The following IDI1 variants were observed in gnomAD, a reference collection of about 807,000 sequenced individuals.
IDI1 encodes isopentenyl-diphosphate Delta-isomerase 1.
IDI1 carries 23 observed loss-of-function variants against 32.9 expected under a neutral mutation model. The ratio of observed to expected loss-of-function variants is 0.70; its 90% CI spans 0.50 to 0.99. The LOEUF (loss-of-function observed/expected upper bound fraction) is 0.99. Ranked by LOEUF, IDI1 falls within the 50% of genes least tolerant of loss-of-function variation. The pLI, the probability that IDI1 is intolerant of heterozygous loss-of-function variation, is 0.00. For synonymous variants in IDI1, 133 were observed against 128.2 expected (o/e 1.04, Z -0.25); for missense variants, 326 against 351.9 (o/e 0.93, Z 0.59).
Position 1,039,903 on chromosome 10 carries a change from CA to C in IDI1, c.*1283del, listed in dbSNP as rs1832500804. 6.6e-6 allele frequency: 1 copy of C among 152,164 alleles called. No homozygotes were observed. Among genetic ancestry groups the C allele is most frequent in the Non-Finnish European group, 1.5e-5 (1 of 68,012 alleles). The allele number at this position is 152,164 out of a possible 1,614,324, so 9.4% of individuals were successfully genotyped here. A position where few individuals can be genotyped will look rare whatever the true frequency, so the allele number is the denominator to read the frequency against. On this transcript the variant is annotated 3_prime_UTR_variant, in exon 5 of 5. Transcript: ENST00000381344. ...TATCAAAATTTTAACAAACTAAACA[CA>C]GTATTAAATTGCAATTTTTTTTACT...
intron 4 of IDI1, 27 bp from the exon 5 acceptor site, chr10:1,041,531 T>C (rs567746525): frequency 7.7e-7 from 1 of 1,302,262 alleles, no homozygotes; most frequent in Non-Finnish European, 1.1e-6. Flanking sequence ...AAAAAAGTAA[T>C]TAAAACATCG....
At chr10:1,042,545 T>C (rs1317284761) in intron 4 of IDI1, 87 bp downstream of exon 4, 1 of 1,319,276 alleles carries the variant, frequency 7.6e-7, no homozygotes, top group East Asian at 2.4e-5. Flanking sequence ...AGCAGAGAAC[T>C]ACATTTGAAT....
intron 4 of IDI1, among the ~76,000 whole-genome samples, chr10:1,041,997 C>T (rs1336612833): frequency 6.6e-6 from 1 of 151,800 alleles, no homozygotes; most frequent in African/African-American, 2.4e-5. Context: ...TTAGTAGAGA[C>T]GGAGTTTCAC....
At chr10:1,051,042 A>G (rs185466061), upstream of IDI1, among the ~76,000 whole-genome samples, 16 of 152,352 alleles carry the variant, frequency 1.1e-4, no homozygotes, top group Non-Finnish European at 1.3e-4. Flanking sequence ...ACTTCAATGG[A>G]CATTTTGTAC....
chr10:1,054,282 T>C, the IDI1 span, among the ~76,000 whole-genome samples: 2 of 152,192 alleles, frequency 1.3e-5, no homozygotes, highest in African/African-American at 2.4e-5. Context: ...ATGAAAACAG[T>C]TGTGCCTGTT....
At chr10:1,045,562 G>A (rs1321774649) in intron 1 of IDI1, among the ~76,000 whole-genome samples, 1 of 152,214 alleles carries the variant, frequency 6.6e-6, no homozygotes, top group African/African-American at 2.4e-5. Context: ...CACCTCCTGG[G>A]TTCAAGTGAT....
chr10:1,054,599 G>A, the IDI1 span, among the ~76,000 whole-genome samples: 2 of 152,186 alleles, frequency 1.3e-5, no homozygotes, highest in Non-Finnish European at 2.9e-5. Context: ...TCTGCAGGAG[G>A]GAGAATGTAA....
intron 1 of IDI1, 187 bp downstream of exon 1, chr10:1,048,677 C>T: frequency 7.1e-7 from 1 of 1,413,076 alleles, no homozygotes; most frequent in Non-Finnish European, 9.2e-7. Context: ...CGGGCGCCCA[C>T]CACAGCCCGG....
chr10:1,044,042 A>C lies in IDI1; in HGVS notation c.270T>G (p.Ala90=). Residue 90 remains alanine, a synonymous_variant, in exon 2 of 5, where the codon GCT becomes GCG. Transcript: ENST00000381344. ...TCAGGTGACAATTCTTCTTGGTCTC[A>C]GCTCCAATTTTATTGTCATTTTCAT... The part of the protein sequence containing the change: ...LIDENDNKIG[A]ETKKNCHLNE... 6.2e-7 allele frequency: 1 copy of C among 1,613,250 alleles called. No homozygotes were observed. Among genetic ancestry groups the C allele is most frequent in the South Asian group, 1.1e-5 (1 of 90,958 alleles).
chr10:1,053,956 T>C (rs370380471), upstream of IDI1, among the ~76,000 whole-genome samples: 125 of 152,094 alleles, frequency 8.2e-4, no homozygotes, highest in Non-Finnish European at 1.5e-3. Flanking sequence ...AGGAGAGAGA[T>C]AGGGAGGCAG....
At chr10:1,052,590 A>C (rs1045915141), upstream of IDI1, among the ~76,000 whole-genome samples, 1 of 152,146 alleles carries the variant, frequency 6.6e-6, no homozygotes, top group African/African-American at 2.4e-5. Flanking sequence ...TTTGAAACGA[A>C]ATCTTTTTTT....
At chr10:1,043,532 C>A in intron 2 of IDI1, 139 bp from the exon 3 acceptor site, 1 of 713,762 alleles carries the variant, frequency 1.4e-6, no homozygotes, top group Non-Finnish European at 2.6e-6. Flanking sequence ...TGCATAGTCT[C>A]TGCATGGCTA....
chr10:1,039,983 G>GT lies in IDI1; in HGVS notation c.*1203dup, dbSNP rs1281621514. 1 of 152,080 alleles carries GT rather than the reference G, an allele frequency of 6.6e-6. No individual in the cohort carries two copies. The highest frequency in any genetic ancestry group is 1.5e-5 in the Non-Finnish European group (1 of 68,026). The allele number at this position is 152,080 out of a possible 1,614,324, so 9.4% of individuals were successfully genotyped here. Reference sequence around the variant, plus strand: ...TGTCTGAAATTATAAATTGCCCAAAGTTAACCATAAATGAGTCATTCTATT... The same window carrying GT: ...TGTCTGAAATTATAAATTGCCCAAAGTTTAACCATAAATGAGTCATTCTATT... On this transcript the variant is annotated 3_prime_UTR_variant, in exon 5 of 5. Transcript: ENST00000381344.
chr10:1,055,875 C>G, the IDI1 span, among the ~76,000 whole-genome samples: 1,138 of 152,232 alleles, frequency 7.5e-3, 14 homozygotes, highest in Non-Finnish European at 8.6e-3. Flanking sequence ...GAGGCGCGAT[C>G]TCGGCTCACT....
chr10:1,052,500 A>G (rs1256645614), upstream of IDI1, among the ~76,000 whole-genome samples: 1 of 152,274 alleles, frequency 6.6e-6, no homozygotes, highest in East Asian at 1.9e-4. Flanking sequence ...GTTAGCAGGC[A>G]TGAAATCAAC....
At chr10:1,042,445 G>A (rs1297189454) in intron 4 of IDI1, 187 bp downstream of exon 4, 11 of 592,636 alleles carry the variant, frequency 1.9e-5, no homozygotes, top group African/African-American at 3.7e-5. Context: ...ATTGAGCTAA[G>A]TTTTGACAAG....
chr10:1,056,404 C>G, the IDI1 span: 1 of 152,254 alleles, frequency 6.6e-6, no homozygotes, highest in African/African-American at 2.4e-5. Context: ...GAGCCGAACA[C>G]TGACCGCGCC....
chr10:1,039,344 A>C (rs1369248025), downstream of IDI1: 1 of 152,648 alleles, frequency 6.6e-6, no homozygotes, highest in Admixed American at 6.5e-5. Flanking sequence ...TTCTCTTGAT[A>C]ATATAGGTAG....
chr10:1,053,232 C>A (rs1420922423), upstream of IDI1, among the ~76,000 whole-genome samples: 1 of 152,248 alleles, frequency 6.6e-6, no homozygotes, highest in South Asian at 2.1e-4. Flanking sequence ...GAACTCCTCA[C>A]CTCAAGGGAT....
Sources: allele counts gnomAD v4.1 joint callset (sites outside exome capture counted in the v4.1 genomes callset), GRCh38; gene constraint gnomAD v4.1.1; transcripts MANE v1.5; gene names NCBI Gene and HGNC (gene_info 2026-07-23, HGNC 2026-07-21).